SLC14A2: variants seen among roughly 807,000 people sequenced by gnomAD.
The protein encoded by SLC14A2 is urea transporter 2.
A neutral mutation model predicts 104.6 loss-of-function variants in SLC14A2; 91 were observed. The observed-to-expected ratio is 0.87, with a 90% CI of 0.73 to 1.04. The LOEUF (loss-of-function observed/expected upper bound fraction) is 1.04. Among genes scored for constraint, SLC14A2 ranks in the 50% least tolerant of loss-of-function variants. The pLI is 0.00. For missense variants in SLC14A2, 1,189 were observed against 1,156.0 expected, an observed-to-expected ratio of 1.03 and a Z score of -0.41; for synonymous variants, 476 against 466.4, an observed-to-expected ratio of 1.02 and a Z score of -0.27.
At chr18:45,172,477 G>A in the SLC14A2 span, among the ~76,000 whole-genome samples, 6 of 152,108 alleles carry the variant, frequency 3.9e-5, no homozygotes, top group African/African-American at 1.4e-4. Flanking sequence ...CCTATGTCTT[G>A]TGGATGGTTA....
At chr18:45,301,187 G>T (rs1385706557) in intron 1 of SLC14A2, among the ~76,000 whole-genome samples, 1 of 152,204 alleles carries the variant, frequency 6.6e-6, no homozygotes, top group Non-Finnish European at 1.5e-5. Flanking sequence ...CCACTTTAGA[G>T]ATCAGGAAAT....
chr18:45,607,352 T>C (rs1372769457), intron 2 of SLC14A2, among the ~76,000 whole-genome samples: 1 of 152,218 alleles, frequency 6.6e-6, no homozygotes, highest in African/African-American at 2.4e-5. Context: ...CATCCCATTT[T>C]GTCAGCAGAC....
At chr18:45,252,391 G>A (rs2084432362) in intron 1 of SLC14A2, among the ~76,000 whole-genome samples, 3 of 152,246 alleles carry the variant, frequency 2.0e-5, no homozygotes, top group African/African-American at 7.2e-5. Context: ...TTTTTAAGAG[G>A]GGTGTCCCTC....
intron 2 of SLC14A2, among the ~76,000 whole-genome samples, chr18:45,599,246 T>A (rs985396021): frequency 4.6e-5 from 7 of 152,216 alleles, no homozygotes; most frequent in African/African-American, 1.7e-4. Flanking sequence ...CCAGGAGTAA[T>A]CGCTAATAAC....
At chr18:45,294,585 C>T (rs2084902343) in intron 1 of SLC14A2, among the ~76,000 whole-genome samples, 1 of 152,200 alleles carries the variant, frequency 6.6e-6, no homozygotes, top group Non-Finnish European at 1.5e-5. Context: ...GGGCCCCATA[C>T]ATTTTTTAAG....
intron 1 of SLC14A2, among the ~76,000 whole-genome samples, chr18:45,401,567 T>C (rs1358324191): frequency 6.6e-6 from 1 of 152,136 alleles, no homozygotes; most frequent in Non-Finnish European, 1.5e-5. Context: ...AGCAAAAGAA[T>C]TTGGTGCATT....
intron 1 of SLC14A2, among the ~76,000 whole-genome samples, chr18:45,401,954 G>A (rs1258684772): frequency 2.0e-5 from 3 of 152,206 alleles, no homozygotes; most frequent in East Asian, 1.9e-4. Flanking sequence ...AGGTAACTGC[G>A]TTGACATCCC....
chr18:45,521,529 G>A (rs191471377), intron 2 of SLC14A2, among the ~76,000 whole-genome samples: 261 of 152,076 alleles, frequency 1.7e-3, no homozygotes, highest in African/African-American at 6.0e-3. Context: ...GAAGAGAGAG[G>A]ACATTTAGAT....
intron 1 of SLC14A2, among the ~76,000 whole-genome samples, chr18:45,324,794 G>C (rs549155690): frequency 9.2e-5 from 14 of 151,666 alleles, no homozygotes; most frequent in Non-Finnish European, 1.8e-4. Flanking sequence ...CTTCACACTG[G>C]GTCTTTGCAA....
chr18:45,657,535 GAAGGAAAGAAAAGAGAGAGAGAAAGA>G lies in SLC14A2; in HGVS notation c.1352-6235_1352-6210del, dbSNP rs1250310729. Among the ~76,000 whole-genome samples, 188 of 144,080 alleles carry G rather than the reference GAAGGAAAGAAAAGAGAGAGAGAAAGA, an allele frequency of 1.3e-3. 1 individual carries two copies. The highest frequency in any genetic ancestry group is 3.6e-3 in the Middle Eastern group (1 of 276). The allele number at this position is 144,080 out of a possible 152,430, so 94.5% of individuals were successfully genotyped here. On this transcript the variant is annotated intron_variant, in intron 10 of 19. Transcript: ENST00000255226. ...AAAGAAAGAAAAGGAAGGAAGGAAG[GAAGGAAAGAAAAGAGAGAGAGAAAGA>G]AAGGAAAGAAAAGAAAGAAAAGAAA...
chr18:45,529,221 G>A (rs1388322637), intron 2 of SLC14A2: 1 of 152,190 alleles, frequency 6.6e-6, no homozygotes, highest in Non-Finnish European at 1.5e-5. Flanking sequence ...AATTATTGGT[G>A]AGAAAATTAA....
At chr18:45,205,270 A>G in the SLC14A2 span, among the ~76,000 whole-genome samples, 1 of 152,240 alleles carries the variant, frequency 6.6e-6, no homozygotes, top group Non-Finnish European at 1.5e-5. Context: ...TCAAATCAGC[A>G]GGCCAAAGGT....
rs2045972288 is a variant in SLC14A2, at chr18:45,663,921, C to T, written c.1474+14C>T. The T allele has an allele frequency of 2.5e-6, 4 of 1,602,646 alleles. No individual in the cohort carries two copies. In the South Asian group the frequency reaches 4.5e-5, roughly 18 times the overall value. On this transcript the variant is annotated intron_variant, in intron 11 of 19. Transcript: ENST00000255226. The stretch of plus-strand genomic sequence containing the variant: ...GGAGGAGCAAAGGTGTGCATGTCCT[C>T]CCCCTCACGCTTGGATCCCTGCCTT...
intron 1 of SLC14A2, among the ~76,000 whole-genome samples, chr18:45,311,646 TG>T (rs2085080120): frequency 6.6e-6 from 1 of 152,228 alleles, no homozygotes; most frequent in Non-Finnish European, 1.5e-5. Flanking sequence ...TCTGAAAGAC[TG>T]AAAAACTCCT....
intron 1 of SLC14A2, among the ~76,000 whole-genome samples, chr18:45,385,671 G>GT (rs1479434014): frequency 6.6e-6 from 1 of 152,152 alleles, no homozygotes; most frequent in Non-Finnish European, 1.5e-5. Context: ...GAACTGAGGT[G>GT]TAAGTGACTT....
At chr18:45,661,494 G>A (rs1198907543) in intron 10 of SLC14A2, among the ~76,000 whole-genome samples, 1 of 152,190 alleles carries the variant, frequency 6.6e-6, no homozygotes, top group Non-Finnish European at 1.5e-5. Context: ...GCAGTGAATT[G>A]GGAACTGAGA....
At chr18:45,481,440 A>T (rs2087491120) in intron 1 of SLC14A2, among the ~76,000 whole-genome samples, 1 of 152,058 alleles carries the variant, frequency 6.6e-6, no homozygotes, top group Non-Finnish European at 1.5e-5. Context: ...TTCCTCATTT[A>T]TTTACTTATT....
intron 1 of SLC14A2, among the ~76,000 whole-genome samples, chr18:45,262,666 C>T (rs1369712611): frequency 6.6e-6 from 1 of 152,156 alleles, no homozygotes; most frequent in Non-Finnish European, 1.5e-5. Flanking sequence ...CAGAGCCTCC[C>T]ACCCTGGATG....
chr18:45,183,722 TTC>T, the SLC14A2 span, among the ~76,000 whole-genome samples: 1 of 151,528 alleles, frequency 6.6e-6, no homozygotes, highest in Non-Finnish European at 1.5e-5. Context: ...TTTCTTTTCT[TTC>T]TCTCTTTCTT....
Sources: gnomAD v4.1 joint callset for allele counts (sites outside exome capture counted in the v4.1 genomes callset) on GRCh38, gnomAD v4.1.1 for gene constraint, MANE v1.5 for transcripts, NCBI Gene and HGNC (gene_info 2026-07-23, HGNC 2026-07-21) for gene names.